The following CDK6 variants were observed in gnomAD, a reference collection of about 807,000 sequenced individuals.
The protein encoded by CDK6 is cyclin dependent kinase 6.
A neutral mutation model predicts 37.1 loss-of-function variants in CDK6; 6 were observed. That is an observed-to-expected ratio of 0.16 (90% CI 0.09 to 0.32). The LOEUF is 0.32. CDK6 is among the 10% of genes least tolerant of loss of function. The probability of loss-of-function intolerance (pLI) is 1.00; values close to 1 mark genes in which losing one functional copy is unlikely to be tolerated. For missense variants in CDK6, 224 were observed against 418.9 expected, an observed-to-expected ratio of 0.53 and a Z score of 4.06; for synonymous variants, 160 against 161.3, an observed-to-expected ratio of 0.99 and a Z score of 0.06.
intron 5 of CDK6, among the ~76,000 whole-genome samples, chr7:92,634,474 A>C (rs1585353460): frequency 7.4e-6 from 1 of 134,850 alleles, no homozygotes; most frequent in Non-Finnish European, 1.7e-5. Context: ...TCTCTTCATA[A>C]CTTTTTTTTT....
At chr7:92,800,112 G>A (rs1378650133) in intron 2 of CDK6, among the ~76,000 whole-genome samples, 3 of 152,064 alleles carry the variant, frequency 2.0e-5, no homozygotes, top group Non-Finnish European at 4.4e-5. Context: ...TCTCTCATAT[G>A]CAAACCTTCC....
Position 92,609,958 on chromosome 7 carries a change from G to C in CDK6, c.*5182C>G, listed in dbSNP as rs1003258511. On this transcript the variant is annotated 3_prime_UTR_variant, in exon 8 of 8. Transcript: ENST00000424848. ...AATATTGAAGTTACAGAACATTATA[G>C]AGACTATTAATCATCCCAAAAAACA... The C allele has an allele frequency of 4.8e-5, 11 of 229,858 alleles. No homozygotes were observed. The highest frequency in any genetic ancestry group is 2.4e-4 in the African/African-American group (11 of 44,988). 14.2% of individuals were successfully genotyped at this position (229,858 alleles called of 1,614,324 possible).
intron 3 of CDK6, among the ~76,000 whole-genome samples, chr7:92,735,084 T>A (rs1033269729): frequency 3.1e-4 from 47 of 152,198 alleles, no homozygotes; most frequent in African/African-American, 1.1e-3. Flanking sequence ...AGAATTGGAC[T>A]ATTGGCCAAA....
chr7:92,642,834 C>T (rs766868937), intron 5 of CDK6, among the ~76,000 whole-genome samples: 4 of 151,852 alleles, frequency 2.6e-5, no homozygotes, highest in African/African-American at 7.3e-5. Context: ...TTCACTACAT[C>T]GCATCGTTTG....
chr7:92,627,562 C>A (rs781190864), intron 5 of CDK6, among the ~76,000 whole-genome samples: 2 of 152,056 alleles, frequency 1.3e-5, no homozygotes, highest in Non-Finnish European at 2.9e-5. Context: ...GACTTCCCAG[C>A]CTCCAGAACT....
At chr7:92,675,453 C>T (rs1797182301) in intron 4 of CDK6, among the ~76,000 whole-genome samples, 1 of 152,106 alleles carries the variant, frequency 6.6e-6, no homozygotes, top group African/African-American at 2.4e-5. Flanking sequence ...GCATCCTTGC[C>T]TTCTTGGAAT....
chr7:92,625,999 G>C (rs10274498), intron 5 of CDK6, among the ~76,000 whole-genome samples: 10,953 of 152,014 alleles, frequency 0.072, 1,339 homozygotes, highest in African/African-American at 0.25. Context: ...AATATTACTG[G>C]AGAATATCTA....
intron 5 of CDK6, among the ~76,000 whole-genome samples, chr7:92,653,783 C>T (rs1488957925): frequency 6.6e-6 from 1 of 151,832 alleles, no homozygotes; most frequent in Non-Finnish European, 1.5e-5. Flanking sequence ...TTTCTCTTTT[C>T]GTATTTAGAG....
At chr7:92,776,214 C>G (rs1020391896) in intron 2 of CDK6, among the ~76,000 whole-genome samples, 7 of 152,186 alleles carry the variant, frequency 4.6e-5, no homozygotes, top group African/African-American at 1.7e-4. Flanking sequence ...CCAGCTTCAT[C>G]CATGTCCCTG....
intron 5 of CDK6, among the ~76,000 whole-genome samples, chr7:92,659,111 A>T (rs1198526354): frequency 6.6e-6 from 1 of 152,232 alleles, no homozygotes; most frequent in Admixed American, 6.5e-5. Flanking sequence ...ATGAGACTTC[A>T]ATGAGAAGGG....
chr7:92,782,493 G>A (rs927984554), intron 2 of CDK6, among the ~76,000 whole-genome samples: 3 of 152,162 alleles, frequency 2.0e-5, no homozygotes, highest in Non-Finnish European at 2.9e-5. Flanking sequence ...AGGTGGACAG[G>A]AGCATAATAA....
chr7:92,732,697 T>C (rs1246356485), intron 3 of CDK6, among the ~76,000 whole-genome samples: 1 of 152,230 alleles, frequency 6.6e-6, no homozygotes, highest in Non-Finnish European at 1.5e-5. Context: ...GATCCAGGGA[T>C]GAACATGACA....
intron 4 of CDK6, among the ~76,000 whole-genome samples, chr7:92,683,407 G>A (rs1033524183): frequency 2.4e-4 from 36 of 152,198 alleles, no homozygotes; most frequent in African/African-American, 8.4e-4. Context: ...TATATGGTTA[G>A]TGCAAGTGAT....
intron 2 of CDK6, among the ~76,000 whole-genome samples, chr7:92,829,587 T>C (rs1801424130): frequency 6.6e-6 from 1 of 152,234 alleles, no homozygotes; most frequent in African/African-American, 2.4e-5. Context: ...TTAAAGCATA[T>C]GCCCTTCCTA....
Position 92,828,383 on chromosome 7 carries a change from TCAAA to T in CDK6, c.233+4704_233+4707del, listed in dbSNP as rs554441536. 7.2e-3 allele frequency among the ~76,000 whole-genome samples: 1,094 copies of T among 152,232 alleles called. 15 individuals are homozygous for T. Among genetic ancestry groups the T allele is most frequent in the African/African-American group, 0.023 (973 of 41,562 alleles). On this transcript the variant is annotated intron_variant, in intron 2 of 7. Coordinates refer to ENST00000424848, the MANE Select transcript of CDK6 (RefSeq NM_001145306.2). ...TACTCACCCGATTTAACTGCTTCCA[TCAAA>T]CAAACAAACAAAAATTGCTACTTAG...
At position 92,782,966 on chromosome 7, in the gene CDK6, T is replaced by A. The variant is rs1291961576; in HGVS notation, c.234-8135A>T. ...AAAGTGACTGTCCCAGTTCTCTGAC[T>A]TGGCTGGGAATCTATTCACCTTAAA... On this transcript the variant is annotated intron_variant, in intron 2 of 7. Transcript: ENST00000424848. Among the ~76,000 whole-genome samples, 3 of 152,338 alleles carry A rather than the reference T, an allele frequency of 2.0e-5. No homozygotes were observed. In the East Asian group the frequency reaches 5.8e-4, roughly 29 times the overall value.
chr7:92,821,332 C>A (rs1271159402), intron 2 of CDK6, among the ~76,000 whole-genome samples: 1 of 152,016 alleles, frequency 6.6e-6, no homozygotes, highest in Non-Finnish European at 1.5e-5. Context: ...GAGTAATTTC[C>A]AGCTAATGTC....
At chr7:92,773,653 A>G (rs1415306784) in intron 3 of CDK6, among the ~76,000 whole-genome samples, 1 of 152,162 alleles carries the variant, frequency 6.6e-6, no homozygotes, top group Non-Finnish European at 1.5e-5. Context: ...AAGAAATGGG[A>G]CTATTGTTAA....
chr7:92,617,436 C>A (rs1294308881), intron 7 of CDK6, among the ~76,000 whole-genome samples: 1 of 152,198 alleles, frequency 6.6e-6, no homozygotes, highest in African/African-American at 2.4e-5. Flanking sequence ...AAAGCAGACA[C>A]TCATTACTCA....
Sources: allele counts gnomAD v4.1 joint callset (sites outside exome capture counted in the v4.1 genomes callset), GRCh38; gene constraint gnomAD v4.1.1; transcripts MANE v1.5; gene names NCBI Gene and HGNC (gene_info 2026-07-23, HGNC 2026-07-21).